The following SLC17A5 variants were observed in gnomAD, a reference collection of about 807,000 sequenced individuals.
The protein encoded by SLC17A5 is solute carrier family 17 member 5.
Under a neutral mutation model 59.4 loss-of-function variants are expected in SLC17A5, and 47 were observed. That is an observed-to-expected ratio of 0.79 (90% confidence interval 0.63 to 1.01). The LOEUF is 1.01. Among genes scored for constraint, SLC17A5 ranks in the 50% least tolerant of loss-of-function variants. The probability of loss-of-function intolerance (pLI) is 0.00; values close to 1 mark genes in which losing one functional copy is unlikely to be tolerated. For synonymous variants in SLC17A5, 202 were observed against 210.7 expected, an observed-to-expected ratio of 0.96 and a Z score of 0.36; for missense variants, 522 against 595.5, an observed-to-expected ratio of 0.88 and a Z score of 1.28.
At position 73,643,704 on chromosome 6, in the gene SLC17A5, T is replaced by G. The variant is rs573812860; in HGVS notation, c.291+703A>C. On this transcript the variant is annotated intron_variant, in intron 2 of 10. Coordinates refer to ENST00000355773, the MANE Select transcript of SLC17A5 (RefSeq NM_012434.5). ...GTTGGCCAGGCTGGTCTCGAACTAC[T>G]CACCTCAGGTGATCCACCTGCCTCA... Among the ~76,000 whole-genome samples, 7 of 151,898 alleles carry G rather than the reference T, an allele frequency of 4.6e-5. No homozygotes were observed. In the South Asian group the frequency reaches 8.3e-4, roughly 18 times the overall value.
At chr6:73,605,083 G>A (rs555007206) in intron 9 of SLC17A5, among the ~76,000 whole-genome samples, 20 of 151,806 alleles carry the variant, frequency 1.3e-4, no homozygotes, top group Admixed American at 7.2e-4. Context: ...GGGCCCAAAC[G>A]ATCCTCCCAC....
At position 73,647,698 on chromosome 6, in the gene SLC17A5, TG is replaced by T. The variant is rs1475164782; in HGVS notation, c.95-3096del. 3.3e-5 allele frequency among the ~76,000 whole-genome samples: 5 copies of T among 152,310 alleles called. No individual in the cohort carries two copies. The East Asian group carries it at 9.6e-4, about 29-fold the overall frequency. ...AAGTAAAATGATTTCAAATTACTCG[TG>T]GTATTACTTGGAAATCTGACCTACA... On this transcript the variant is annotated intron_variant, in intron 1 of 10. Coordinates refer to ENST00000355773, the MANE Select transcript of SLC17A5 (RefSeq NM_012434.5).
intron 6 of SLC17A5, among the ~76,000 whole-genome samples, chr6:73,631,754 T>C (rs1768723286): frequency 6.6e-6 from 1 of 151,854 alleles, no homozygotes; most frequent in African/African-American, 2.4e-5. Context: ...CTATATTGTA[T>C]TGAAATTCTG....
intron 10 of SLC17A5, among the ~76,000 whole-genome samples, chr6:73,597,461 C>T (rs537665315): frequency 2.0e-5 from 3 of 150,216 alleles, no homozygotes; most frequent in Non-Finnish European, 3.0e-5. Flanking sequence ...AGTGAGACTC[C>T]GTCTCAAAAA....
chr6:73,614,266 A>C (rs1236842747), intron 8 of SLC17A5, among the ~76,000 whole-genome samples: 2 of 152,052 alleles, frequency 1.3e-5, no homozygotes, highest in Non-Finnish European at 2.9e-5. Flanking sequence ...CCCCTGTCTC[A>C]AGAAAAAAAA....
chr6:73,632,224 G>GTAGGGTTGA (rs1263029586), intron 6 of SLC17A5, among the ~76,000 whole-genome samples: 1 of 142,548 alleles, frequency 7.0e-6, no homozygotes, highest in Non-Finnish European at 1.5e-5. Context: ...GCTTGAACCT[G>GTAGGGTTGA]TAGGGTTGAG....
chr6:73,610,382 C>A lies in SLC17A5; in HGVS notation c.1259+18G>T, dbSNP rs1183716694. 9 of 1,613,404 alleles carry A rather than the reference C, an allele frequency of 5.6e-6. No homozygotes were observed. Among genetic ancestry groups the A allele is most frequent in the Non-Finnish European group, 7.6e-6 (9 of 1,179,498 alleles). ...TAATTTAAAGTCAATCACAGCAAAT[C>A]TTTATATTAGTACTCACGAAGGAGC... On this transcript the variant is annotated intron_variant, in intron 9 of 10. Coordinates refer to ENST00000355773, the MANE Select transcript of SLC17A5 (RefSeq NM_012434.5).
intron 6 of SLC17A5, among the ~76,000 whole-genome samples, chr6:73,632,133 G>A (rs774694572): frequency 2.0e-5 from 3 of 150,166 alleles, no homozygotes; most frequent in Non-Finnish European, 4.4e-5. Flanking sequence ...GCGAGACTCC[G>A]TCTCTACAAA....
intron 5 of SLC17A5, 126 bp from the exon 6 acceptor site, chr6:73,635,626 C>T (rs1163539443): frequency 1.7e-6 from 1 of 598,836 alleles, no homozygotes; most frequent in Non-Finnish European, 2.9e-6. Context: ...AATTATGTAA[C>T]TATAAATTCA....
At chr6:73,630,634 C>T (rs998852508) in intron 6 of SLC17A5, among the ~76,000 whole-genome samples, 3 of 152,158 alleles carry the variant, frequency 2.0e-5, no homozygotes, top group Admixed American at 2.0e-4. Flanking sequence ...TGTTCCTCCT[C>T]CTGCTGTTTT....
At chr6:73,643,739 A>G (rs184637518) in intron 2 of SLC17A5, among the ~76,000 whole-genome samples, 1 of 152,336 alleles carries the variant, frequency 6.6e-6, no homozygotes, top group Non-Finnish European at 1.5e-5. Flanking sequence ...AGCCTCCTAA[A>G]GTGCTGGGAT....
chr6:73,651,213 C>A (rs901721131), intron 1 of SLC17A5, among the ~76,000 whole-genome samples: 2 of 152,084 alleles, frequency 1.3e-5, no homozygotes, highest in Non-Finnish European at 2.9e-5. Flanking sequence ...GTAATCCCAG[C>A]ACTTTGGGAG....
chr6:73,632,874 G>A (rs1436668742), intron 6 of SLC17A5, among the ~76,000 whole-genome samples: 5 of 152,060 alleles, frequency 3.3e-5, no homozygotes, highest in Non-Finnish European at 7.4e-5. Flanking sequence ...AACATATCAA[G>A]TTTTACATGG....
At chr6:73,645,158 C>A in intron 1 of SLC17A5, 1 of 174,996 alleles carries the variant, frequency 5.7e-6, no homozygotes, top group Non-Finnish European at 1.1e-5. Context: ...TCAATAAGTA[C>A]TTGAGTACTT....
intron 7 of SLC17A5, among the ~76,000 whole-genome samples, chr6:73,618,978 C>T (rs1334370434): frequency 4.6e-5 from 7 of 152,124 alleles, no homozygotes; most frequent in East Asian, 1.9e-4. Context: ...CCGCCCGCCT[C>T]GGCTTCCCAA....
chr6:73,603,774 G>A (rs1767266516), intron 9 of SLC17A5, among the ~76,000 whole-genome samples: 1 of 151,930 alleles, frequency 6.6e-6, no homozygotes, highest in South Asian at 2.1e-4. Flanking sequence ...CATGAATTCT[G>A]GACTTTGAAG....
intron 4 of SLC17A5, 142 bp from the exon 5 acceptor site, chr6:73,636,849 T>A: frequency 1.5e-6 from 1 of 687,330 alleles, no homozygotes; most frequent in South Asian, 1.7e-5. Flanking sequence ...GGGAGGCTGA[T>A]GTGGGTGGAT....
chr6:73,600,072 G>T (rs1255098323), intron 10 of SLC17A5, among the ~76,000 whole-genome samples: 1 of 152,178 alleles, frequency 6.6e-6, no homozygotes, highest in Non-Finnish European at 1.5e-5. Flanking sequence ...GGGATTACAG[G>T]CATGAGCCAC....
chr6:73,625,723 T>C lies in SLC17A5; in HGVS notation c.820-3761A>G, dbSNP rs150850004. Among the ~76,000 whole-genome samples, 6 of 152,276 alleles carry C rather than the reference T, an allele frequency of 3.9e-5. No individual in the cohort carries two copies. In the East Asian group the frequency reaches 1.2e-3, roughly 29 times the overall value. On this transcript the variant is annotated intron_variant, in intron 6 of 10. Transcript: ENST00000355773. ...TTAAAAGGCTTCACTGGTGATTCTA[T>C]AGAGCAGTGGGTTCCCAAACTTTGC...
Sources: allele counts gnomAD v4.1 joint callset (sites outside exome capture counted in the v4.1 genomes callset), GRCh38; gene constraint gnomAD v4.1.1; transcripts MANE v1.5; gene names NCBI Gene and HGNC (gene_info 2026-07-23, HGNC 2026-07-21).